IGFL2: variants seen among roughly 807,000 people sequenced by gnomAD.
The protein encoded by IGFL2 is IGF like family member 2, also known as insulin growth factor-like family member 2.
IGFL2 carries 7 observed loss-of-function variants against 13.9 expected under a neutral mutation model. The observed-to-expected ratio is 0.51, with a 90% CI of 0.29 to 0.95. The LOEUF is 0.95. Among genes scored for constraint, IGFL2 ranks in the 40% least tolerant of loss-of-function variants. The pLI is 0.08. For missense variants in IGFL2, 138 were observed against 147.8 expected (o/e 0.93, Z 0.34); for synonymous variants, 55 against 55.8 (o/e 0.99, Z 0.07).
chr19:46,104,984 A>G, the IGFL2 span, among the ~76,000 whole-genome samples: 7 of 152,110 alleles, frequency 4.6e-5, no homozygotes, highest in African/African-American at 1.7e-4. Context: ...TGAGAAGGAG[A>G]AAAACTGGCC....
At chr19:46,200,683 TA>T in the IGFL2 span, 4,773 of 143,282 alleles carry the variant, frequency 0.033, 106 homozygotes, top group Middle Eastern at 0.044. Context: ...GCCCAGCTTT[TA>T]AAAAAAAAAA....
the IGFL2 span, among the ~76,000 whole-genome samples, chr19:46,090,492 A>G: frequency 1.3e-5 from 2 of 152,226 alleles, no homozygotes; most frequent in South Asian, 2.1e-4. Context: ...CAGTCTTTGT[A>G]AACTGGCTTT....
the IGFL2 span, among the ~76,000 whole-genome samples, chr19:46,089,593 C>T: frequency 2.5e-4 from 37 of 150,336 alleles, no homozygotes; most frequent in South Asian, 1.1e-3. Flanking sequence ...CTGAGCAAGT[C>T]TTATCTCTCC....
At chr19:46,119,488 G>A in the IGFL2 span, among the ~76,000 whole-genome samples, 1 of 141,166 alleles carries the variant, frequency 7.1e-6, no homozygotes, top group African/African-American at 2.8e-5. Context: ...CTGGAGCCAG[G>A]GTATGCTGCT....
the IGFL2 span, among the ~76,000 whole-genome samples, chr19:46,109,931 T>A: frequency 6.6e-6 from 1 of 152,200 alleles, no homozygotes; most frequent in Non-Finnish European, 1.5e-5. Flanking sequence ...TACATGCGGG[T>A]CACAGGGGAT....
chr19:46,117,682 T>C, the IGFL2 span, among the ~76,000 whole-genome samples: 21 of 152,326 alleles, frequency 1.4e-4, no homozygotes, highest in East Asian at 3.7e-3. Flanking sequence ...GGTTTCACCA[T>C]GTTGGCCAGG....
chr19:46,092,424 A>G, the IGFL2 span, among the ~76,000 whole-genome samples: 2 of 151,410 alleles, frequency 1.3e-5, no homozygotes, highest in East Asian at 1.9e-4. Flanking sequence ...TGAGGTTGGG[A>G]GTTTGAGACC....
chr19:46,142,209 C>T (rs571922622), upstream of IGFL2, among the ~76,000 whole-genome samples: 1 of 152,294 alleles, frequency 6.6e-6, no homozygotes, highest in African/African-American at 2.4e-5. Context: ...GGACCCCACA[C>T]ACACCCCTTA....
the IGFL2 span, among the ~76,000 whole-genome samples, chr19:46,117,217 G>A: frequency 1.3e-5 from 2 of 152,082 alleles, no homozygotes; most frequent in Non-Finnish European, 2.9e-5. Context: ...TGAGGCTGCA[G>A]TTAGGAAGAT....
At chr19:46,191,225 A>T in the IGFL2 span, among the ~76,000 whole-genome samples, 1 of 152,192 alleles carries the variant, frequency 6.6e-6, no homozygotes. Context: ...AGATACTACA[A>T]AACTCAGCCC....
chr19:46,079,703 A>G, the IGFL2 span, among the ~76,000 whole-genome samples: 1 of 152,192 alleles, frequency 6.6e-6, no homozygotes, highest in Non-Finnish European at 1.5e-5. Flanking sequence ...TTTGAGTCAG[A>G]AACTTTTCAT....
chr19:46,088,994 A>G, the IGFL2 span, among the ~76,000 whole-genome samples: 1 of 152,182 alleles, frequency 6.6e-6, no homozygotes, highest in Non-Finnish European at 1.5e-5. Flanking sequence ...CTTAAAAGTT[A>G]TTTATAGGTA....
the IGFL2 span, among the ~76,000 whole-genome samples, chr19:46,083,849 C>A: frequency 6.6e-6 from 1 of 152,180 alleles, no homozygotes; most frequent in Non-Finnish European, 1.5e-5. Context: ...ACAAAGTCCT[C>A]TGATCCTCGG....
chr19:46,186,059 C>T, the IGFL2 span, among the ~76,000 whole-genome samples: 1 of 152,158 alleles, frequency 6.6e-6, no homozygotes, highest in Non-Finnish European at 1.5e-5. Flanking sequence ...GTCTCGGGAA[C>T]CTCCTGTTCC....
At chr19:46,164,126 C>T (rs188066064), downstream of IGFL2, 1 of 151,830 alleles carries the variant, frequency 6.6e-6, no homozygotes, top group East Asian at 1.9e-4. Context: ...ACTCTGAGGC[C>T]TGAAGGCTGG....
intron 2 of IGFL2, 53 bp downstream of exon 2, chr19:46,160,521 T>C: frequency 6.2e-7 from 1 of 1,612,654 alleles, no homozygotes; most frequent in Admixed American, 1.7e-5. Flanking sequence ...CTTTGGAAAG[T>C]GGGCATGGGG....
chr19:46,084,155 T>TA, the IGFL2 span, among the ~76,000 whole-genome samples: 2 of 152,366 alleles, frequency 1.3e-5, no homozygotes, highest in East Asian at 3.9e-4. Flanking sequence ...TTAGAAAAGA[T>TA]ACTTGATATG....
intron 1 of IGFL2, among the ~76,000 whole-genome samples, chr19:46,150,110 C>A (rs549578874): frequency 5.3e-5 from 8 of 152,202 alleles, no homozygotes; most frequent in African/African-American, 1.9e-4. Context: ...TTTTAATTTG[C>A]GTTTCCTTGG....
the IGFL2 span, among the ~76,000 whole-genome samples, chr19:46,181,745 G>A: frequency 3.5e-4 from 53 of 152,348 alleles, no homozygotes; most frequent in African/African-American, 1.3e-3. Context: ...AGACGGGTTT[G>A]AGGAGTTTCT....
Sources: gnomAD v4.1 joint callset for allele counts (sites outside exome capture counted in the v4.1 genomes callset) on GRCh38, gnomAD v4.1.1 for gene constraint, MANE v1.5 for transcripts, NCBI Gene and HGNC (gene_info 2026-07-23, HGNC 2026-07-21) for gene names.